Variants in ANKRD44 observed in about 807,000 individuals in gnomAD.
The protein encoded by ANKRD44 is ankyrin repeat domain 44.
In ANKRD44, 35 loss-of-function variants were observed where a neutral mutation model predicts 116.0. That is an observed-to-expected ratio of 0.30 (90% CI 0.23 to 0.40). ANKRD44 has a LOEUF of 0.40. ANKRD44 is among the 10% of genes least tolerant of loss of function. ANKRD44 has a pLI of 1.00. For missense variants in ANKRD44, 1,014 were observed against 1,242.6 expected (o/e 0.82, Z 2.77); for synonymous variants, 435 against 461.8 (o/e 0.94, Z 0.74).
At chr2:197,023,215 T>C (rs1243963917) in intron 17 of ANKRD44, among the ~76,000 whole-genome samples, 1 of 152,210 alleles carries the variant, frequency 6.6e-6, no homozygotes. Context: ...GGCCCTACGT[T>C]GAGGTACTGC....
intron 1 of ANKRD44, among the ~76,000 whole-genome samples, chr2:197,200,471 A>G (rs912810121): frequency 6.6e-6 from 1 of 151,916 alleles, no homozygotes; most frequent in Non-Finnish European, 1.5e-5. Flanking sequence ...CTCTTCTCAT[A>G]CTCCTCCCAC....
chr2:197,106,822 C>G (rs1413332633), intron 9 of ANKRD44, among the ~76,000 whole-genome samples: 1 of 116,724 alleles, frequency 8.6e-6, no homozygotes, highest in Non-Finnish European at 1.8e-5. Flanking sequence ...TTTTTTTTTT[C>G]AGGAAAACAT....
chr2:197,100,961 TATC>T (rs1399789319), intron 9 of ANKRD44, among the ~76,000 whole-genome samples: 1 of 152,230 alleles, frequency 6.6e-6, no homozygotes, highest in African/African-American at 2.4e-5. Flanking sequence ...AAAAGTTAGC[TATC>T]ATAACATTTT....
Position 197,034,617 on chromosome 2 carries a change from A to C in ANKRD44, c.1651-9350T>G, listed in dbSNP as rs140107486. ...CCGGACTACCTAATCTTATTTTTTAAGCCCAAATTACTTCTTTTCTCAACT... is the reference window on the plus strand; with the variant it reads ...CCGGACTACCTAATCTTATTTTTTACGCCCAAATTACTTCTTTTCTCAACT... On this transcript the variant is annotated intron_variant, in intron 16 of 27. Coordinates refer to ENST00000282272, the MANE Select transcript of ANKRD44 (RefSeq NM_001195144.2). Among the ~76,000 whole-genome samples, 32 of 151,966 alleles carry C rather than the reference A, an allele frequency of 2.1e-4. No individual in the cohort carries two copies. The East Asian group carries it at 6.0e-3, about 28-fold the overall frequency.
chr2:197,307,567 A>AG (rs2084109678), intron 1 of ANKRD44, among the ~76,000 whole-genome samples: 1 of 151,124 alleles, frequency 6.6e-6, no homozygotes, highest in African/African-American at 2.4e-5. Context: ...AAAAAAAAAA[A>AG]GACTAAAAAT....
At chr2:197,161,185 C>T (rs887843951) in intron 2 of ANKRD44, among the ~76,000 whole-genome samples, 22 of 152,102 alleles carry the variant, frequency 1.4e-4, no homozygotes, top group African/African-American at 4.8e-4. Context: ...CAGATTGACA[C>T]GAGTGCTCCC....
intron 16 of ANKRD44, among the ~76,000 whole-genome samples, chr2:197,076,357 G>A (rs2077665666): frequency 6.6e-6 from 1 of 152,070 alleles, no homozygotes; most frequent in Non-Finnish European, 1.5e-5. Flanking sequence ...TAAGTTAATT[G>A]GTTTGCTTTC....
At chr2:196,990,428 T>C (rs715185) in intron 27 of ANKRD44, 916,662 of 1,150,938 alleles carry the variant, frequency 0.8, 368,428 homozygotes, top group East Asian at 0.86. Context: ...TTATTCTTTA[T>C]TTAAAATGAG....
intron 1 of ANKRD44, among the ~76,000 whole-genome samples, chr2:197,239,567 C>A (rs956903379): frequency 6.6e-6 from 1 of 152,166 alleles, no homozygotes; most frequent in Non-Finnish European, 1.5e-5. Context: ...ACATAAATAA[C>A]TTATAAAGAA....
At chr2:197,262,822 T>G (rs540648843) in intron 1 of ANKRD44, among the ~76,000 whole-genome samples, 31 of 152,194 alleles carry the variant, frequency 2.0e-4, no homozygotes, top group African/African-American at 7.5e-4. Flanking sequence ...GGAGAATCGC[T>G]TTAACCCAGG....
chr2:197,310,278 G>A (rs1442809086), intron 1 of ANKRD44, among the ~76,000 whole-genome samples: 1 of 89,696 alleles, frequency 1.1e-5, no homozygotes, highest in Non-Finnish European at 2.3e-5. Flanking sequence ...TCGAGCCCCC[G>A]GCCCCCTCCC....
At chr2:197,273,967 AAAAAAAAAAAAAAATATATATATATATAT>A (rs2082974567) in intron 1 of ANKRD44, among the ~76,000 whole-genome samples, 1 of 16,496 alleles carries the variant, frequency 6.1e-5, no homozygotes, top group African/African-American at 1.4e-4. Flanking sequence ...CCACAAAAAA[AAAAAAAAAAAAAAATATATATATATATAT>A]ATATATATAT....
At chr2:197,259,386 A>G (rs2082537566) in intron 1 of ANKRD44, among the ~76,000 whole-genome samples, 2 of 152,206 alleles carry the variant, frequency 1.3e-5, no homozygotes, top group South Asian at 4.1e-4. Flanking sequence ...TAAACCTAAG[A>G]AACAAAAACA....
intron 1 of ANKRD44, among the ~76,000 whole-genome samples, chr2:197,261,701 T>C (rs1201198978): frequency 6.6e-6 from 1 of 152,196 alleles, no homozygotes; most frequent in Non-Finnish European, 1.5e-5. Context: ...GAAAAGTGTT[T>C]AAGGAGTGAT....
intron 18 of ANKRD44, among the ~76,000 whole-genome samples, chr2:197,010,106 G>A (rs1170851988): frequency 1.3e-5 from 2 of 152,138 alleles, no homozygotes; most frequent in East Asian, 1.9e-4. Context: ...GAGGGGAGAC[G>A]GTCAGAAGGG....
Position 197,203,819 on chromosome 2 carries a change from C to T in ANKRD44, c.28-16713G>A, listed in dbSNP as rs1394335371. Among the ~76,000 whole-genome samples the T allele has an allele frequency of 7.9e-5, 12 of 152,212 alleles. No individual in the cohort carries two copies. On this transcript the variant is annotated intron_variant, in intron 1 of 27. Coordinates refer to ENST00000282272, the MANE Select transcript of ANKRD44 (RefSeq NM_001195144.2). This position sits in a 1 kb window ranked among gnomAD's most constrained non-coding sequence, Gnocchi z 4.1. Reference sequence around the variant, plus strand: ...CAGCGTATAATGATAGATGCTACAACATGGATGAACCTTGGAAACATTATG... The same window carrying T: ...CAGCGTATAATGATAGATGCTACAATATGGATGAACCTTGGAAACATTATG...
At chr2:197,218,925 A>G (rs2081519007) in intron 1 of ANKRD44, among the ~76,000 whole-genome samples, 1 of 151,040 alleles carries the variant, frequency 6.6e-6, no homozygotes, top group South Asian at 2.1e-4. Flanking sequence ...ACGCCCAGCT[A>G]ATTTTTGTAT....
At chr2:196,990,199 C>T (rs2075892903) in intron 27 of ANKRD44, 1 of 986,114 alleles carries the variant, frequency 1.0e-6, no homozygotes, top group Admixed American at 6.1e-5. Flanking sequence ...AAGATGGACA[C>T]CTTTACCTTT....
intron 1 of ANKRD44, chr2:197,296,227 TTTG>T (rs1240564618): frequency 6.6e-6 from 1 of 152,000 alleles, no homozygotes; most frequent in African/African-American, 2.4e-5. Flanking sequence ...TGTAAAATAA[TTTG>T]TTACCTGCCT....
Sources: allele counts gnomAD v4.1 joint callset (sites outside exome capture counted in the v4.1 genomes callset), GRCh38; gene constraint gnomAD v4.1.1; non-coding constraint Gnocchi (gnomAD v3.1); transcripts MANE v1.5; gene names NCBI Gene and HGNC (gene_info 2026-07-23, HGNC 2026-07-21).